Variants in ACSF3 observed in about 807,000 individuals in gnomAD.
The protein encoded by ACSF3 is malonate--CoA ligase ACSF3, mitochondrial.
ACSF3 carries 78 observed loss-of-function variants against 53.2 expected under a neutral mutation model. The ratio of observed to expected loss-of-function variants is 1.47; its 90% CI spans 1.22 to 1.77. The LOEUF (loss-of-function observed/expected upper bound fraction) is 1.77. Among genes scored for constraint, ACSF3 ranks in the 40% most tolerant of loss-of-function variants. ACSF3 has a pLI of 0.00. For synonymous variants in ACSF3, 414 were observed against 333.1 expected, an observed-to-expected ratio of 1.24 and a Z score of -2.65; for missense variants, 937 against 771.1, an observed-to-expected ratio of 1.22 and a Z score of -2.55.
At position 89,154,249 on chromosome 16, in the gene ACSF3, C is replaced by T. The variant is rs760397428; in HGVS notation, c.*42C>T. 1.8e-5 allele frequency: 29 copies of T among 1,590,954 alleles called. No homozygotes were observed. Among genetic ancestry groups the T allele is most frequent in the South Asian group, 4.4e-5 (4 of 90,172 alleles). On this transcript the variant is annotated 3_prime_UTR_variant, in exon 11 of 11. Transcript: ENST00000614302. ...TGCGGGTCTGGTGGGGAGCAGCAGACGTCCCCTTCACACCGAGAACCACGG... is the reference window on the plus strand; with the variant it reads ...TGCGGGTCTGGTGGGGAGCAGCAGATGTCCCCTTCACACCGAGAACCACGG...
intron 4 of ACSF3, among the ~76,000 whole-genome samples, chr16:89,103,236 G>A (rs113683739): frequency 0.031 from 4,714 of 152,328 alleles, 111 homozygotes; most frequent in Admixed American, 0.045. Context: ...CCTGCTGCCC[G>A]CGAGCTCCTG....
At chr16:89,150,951 G>A in intron 10 of ACSF3, 1 of 1,271,778 alleles carries the variant, frequency 7.9e-7, no homozygotes, top group Non-Finnish European at 1.0e-6. Flanking sequence ...ACTGTCTAAT[G>A]GGAGTTCCAA....
At chr16:89,130,874 G>A (rs1365525351) in intron 7 of ACSF3, among the ~76,000 whole-genome samples, 1 of 152,134 alleles carries the variant, frequency 6.6e-6, no homozygotes, top group Non-Finnish European at 1.5e-5. Flanking sequence ...CCCTCTGTGT[G>A]TTGACTTTCC....
At chr16:89,107,149 C>T (rs1228034873) in intron 4 of ACSF3, among the ~76,000 whole-genome samples, 1 of 152,212 alleles carries the variant, frequency 6.6e-6, no homozygotes, top group Non-Finnish European at 1.5e-5. Flanking sequence ...GTTATGGCGC[C>T]CTTCAGGGGG....
At chr16:89,112,330 A>G in intron 5 of ACSF3, 84 bp downstream of exon 5, 2 of 1,548,022 alleles carry the variant, frequency 1.3e-6, no homozygotes, top group Non-Finnish European at 1.8e-6. Context: ...CACTCCTACT[A>G]AGTTCTGGGA....
chr16:89,133,184 C>T lies in ACSF3; in HGVS notation c.1288C>T (p.Pro430Ser), dbSNP rs1454603099. The stretch of plus-strand genomic sequence containing the variant: ...GGAGGGGGAGCTGCTGGTGAGGGGA[C>T]CCTCCGTGTTTCGAGAATACTGGAA... ...EKEGELLVRG[P>S]SVFREYWNKP... Residue 430 changes from proline to serine, a missense_variant, in exon 8 of 11, where the codon CCC becomes TCC. Coordinates refer to ENST00000614302, the MANE Select transcript of ACSF3 (RefSeq NM_001243279.3). 2 of 1,614,066 alleles carry T rather than the reference C, an allele frequency of 1.2e-6. No homozygotes were observed. Among genetic ancestry groups the T allele is most frequent in the African/African-American group, 1.3e-5 (1 of 75,040 alleles).
At chr16:89,133,937 G>A (rs1457763313) in intron 8 of ACSF3, among the ~76,000 whole-genome samples, 1 of 152,194 alleles carries the variant, frequency 6.6e-6, no homozygotes, top group Non-Finnish European at 1.5e-5. Context: ...CCACCCTCCT[G>A]CTCTCCCTGA....
intron 5 of ACSF3, 86 bp from the exon 6 acceptor site, chr16:89,114,253 C>T (rs535147423): frequency 2.4e-5 from 38 of 1,587,840 alleles, no homozygotes; most frequent in Middle Eastern, 1.7e-4. Context: ...AAGCAAGGGC[C>T]GCCTCCTGAG....
intron 8 of ACSF3, among the ~76,000 whole-genome samples, chr16:89,138,096 G>A (rs550666159): frequency 3.6e-4 from 55 of 152,158 alleles, no homozygotes; most frequent in Non-Finnish European, 7.1e-4. Flanking sequence ...CAGCCGCCGG[G>A]GATTCCCTGT....
At chr16:89,095,194 G>C (rs566531755) in intron 1 of ACSF3, 1 of 152,344 alleles carries the variant, frequency 6.6e-6, no homozygotes, top group East Asian at 1.9e-4. Flanking sequence ...CCTCTCCGCA[G>C]GTGTTGGAGG....
At position 89,114,502 on chromosome 16, in the gene ACSF3, C is replaced by T; in HGVS notation, c.1126+15C>T. On this transcript the variant is annotated intron_variant, in intron 6 of 10. Coordinates refer to ENST00000614302, the MANE Select transcript of ACSF3 (RefSeq NM_001243279.3). The stretch of plus-strand genomic sequence containing the variant: ...GCGCCTGCCAGGTACGAGCACTTCC[C>T]ACAGCTGCGTTCCTCTTCCACTGTG... 5.0e-6 allele frequency: 8 copies of T among 1,609,634 alleles called. No homozygotes were observed. The highest frequency in any genetic ancestry group is 6.8e-6 in the Non-Finnish European group (8 of 1,179,972).
intron 6 of ACSF3, among the ~76,000 whole-genome samples, chr16:89,119,558 A>G (rs531832862): frequency 6.6e-6 from 1 of 152,326 alleles, no homozygotes; most frequent in African/African-American, 2.4e-5. Context: ...CCCATTTAAA[A>G]ATCTTCAGAA....
At chr16:89,117,104 GGGTAAC>G (rs984549547) in intron 6 of ACSF3, among the ~76,000 whole-genome samples, 1 of 152,228 alleles carries the variant, frequency 6.6e-6, no homozygotes, top group African/African-American at 2.4e-5. Flanking sequence ...AGGACTGAAA[GGGTAAC>G]GGGCTCTGGG....
chr16:89,119,252 C>G (rs1023932356), intron 6 of ACSF3, among the ~76,000 whole-genome samples: 1 of 152,248 alleles, frequency 6.6e-6, no homozygotes, highest in African/African-American at 2.4e-5. Context: ...ACCTGCGGCC[C>G]CCGCCCCTAC....
Position 89,102,674 on chromosome 16 carries a change from A to G in ACSF3, c.737A>G (p.His246Arg). ...DVILHVLPLH[H>R]VHGVVNALLC... ...ATCCTCCACGTGCTCCCGCTGCACC[A>G]CGTCCATGGTGTGGTCAACGCGCTG... The change falls in exon 4 of 11, where the codon CAC becomes CGC. Residue 246 changes from histidine (H) to arginine (R), a missense_variant. Coordinates refer to ENST00000614302, the MANE Select transcript of ACSF3 (RefSeq NM_001243279.3). 2 of 1,613,688 alleles carry G rather than the reference A, an allele frequency of 1.2e-6. No individual in the cohort carries two copies. The highest frequency in any genetic ancestry group is 2.2e-5 in the East Asian group (1 of 44,856).
At chr16:89,099,350 G>T (rs1274355102) in intron 2 of ACSF3, among the ~76,000 whole-genome samples, 4 of 152,238 alleles carry the variant, frequency 2.6e-5, no homozygotes, top group Non-Finnish European at 5.9e-5. Flanking sequence ...TGGACGGCGG[G>T]CCCGCGCGAC....
intron 10 of ACSF3, chr16:89,149,238 C>T (rs1485724533): frequency 6.6e-6 from 1 of 152,246 alleles, no homozygotes; most frequent in Non-Finnish European, 1.5e-5. Context: ...CCCTCATCTT[C>T]CTGTCTTCTT....
chr16:89,108,623 G>A lies in ACSF3; in HGVS notation c.823-3469G>A, dbSNP rs540498847. Among the ~76,000 whole-genome samples the A allele has an allele frequency of 9.8e-5, 15 of 152,302 alleles. 1 individual carries two copies. The South Asian group carries it at 3.1e-3, about 32-fold the overall frequency. ...TTCCTTGTTTGAGATGGCAGCGTGT[G>A]CAAATGGGGCGTGTCACACTCAGTC... On this transcript the variant is annotated intron_variant, in intron 4 of 10. Transcript: ENST00000614302.
At chr16:89,137,051 G>T (rs1469263892) in intron 8 of ACSF3, among the ~76,000 whole-genome samples, 1 of 152,216 alleles carries the variant, frequency 6.6e-6, no homozygotes, top group Non-Finnish European at 1.5e-5. Flanking sequence ...TGACGTGGAG[G>T]TGGGCACCTC....
Sources: allele counts gnomAD v4.1 joint callset (sites outside exome capture counted in the v4.1 genomes callset), GRCh38; gene constraint gnomAD v4.1.1; transcripts MANE v1.5; gene names NCBI Gene and HGNC (gene_info 2026-07-23, HGNC 2026-07-21).